ADGRL3: variants seen among roughly 807,000 people sequenced by gnomAD.
The protein encoded by ADGRL3 is calcium-independent alpha-latrotoxin receptor 3.
A neutral mutation model predicts 153.5 loss-of-function variants in ADGRL3; 62 were observed. The observed-to-expected ratio is 0.40, with a 90% CI of 0.33 to 0.50. The LOEUF is 0.50. Among genes scored for constraint, ADGRL3 ranks in the 20% least tolerant of loss-of-function variants. The pLI is 0.47. For synonymous variants in ADGRL3, 710 were observed against 672.5 expected (o/e 1.06, Z -0.86); for missense variants, 1,641 against 1,859.4 (o/e 0.88, Z 2.16).
chr4:61,714,851 C>T (rs905657477), intron 6 of ADGRL3, among the ~76,000 whole-genome samples: 15 of 152,182 alleles, frequency 9.9e-5, no homozygotes, highest in Admixed American at 2.6e-4. Flanking sequence ...ATTCATCCTC[C>T]GGTAAACTAC....
chr4:61,569,564 C>A (rs2098830181), intron 4 of ADGRL3, among the ~76,000 whole-genome samples: 1 of 152,106 alleles, frequency 6.6e-6, no homozygotes, highest in South Asian at 2.1e-4. Flanking sequence ...AATACCTTGT[C>A]TCTGACAATG....
At chr4:61,316,885 A>C (rs1021781256) in intron 1 of ADGRL3, among the ~76,000 whole-genome samples, 1 of 151,908 alleles carries the variant, frequency 6.6e-6, no homozygotes, top group Admixed American at 6.6e-5. Context: ...TCTCTTTATT[A>C]TTTTTTTTGT....
At chr4:61,300,712 C>T (rs2094552227) in intron 1 of ADGRL3, among the ~76,000 whole-genome samples, 1 of 151,586 alleles carries the variant, frequency 6.6e-6, no homozygotes, top group Non-Finnish European at 1.5e-5. Flanking sequence ...TTGAATCATT[C>T]TCTGCAAGTT....
intron 11 of ADGRL3, among the ~76,000 whole-genome samples, chr4:61,907,079 G>T (rs1324221589): frequency 6.6e-6 from 1 of 152,016 alleles, no homozygotes; most frequent in Non-Finnish European, 1.5e-5. Flanking sequence ...CAGGAAAGGG[G>T]TTCAGATCCA....
At chr4:61,606,429 T>C (rs530006795) in intron 5 of ADGRL3, among the ~76,000 whole-genome samples, 76 of 152,318 alleles carry the variant, frequency 5.0e-4, no homozygotes, top group African/African-American at 1.8e-3. Context: ...TTCTGGAGTC[T>C]AGAAGTTCAA....
chr4:61,492,932 C>T lies in ADGRL3; in HGVS notation c.-173-4189C>T, dbSNP rs533273387. ...AATTAGGTCATTTTAATCAACTTTA[C>T]TTTTAAATTTTGGATATTGTGAAGA... On this transcript the variant is annotated intron_variant, in intron 2 of 26. Coordinates refer to ENST00000683033, the MANE Select transcript of ADGRL3 (RefSeq NM_001387552.1). 6.6e-5 allele frequency among the ~76,000 whole-genome samples: 10 copies of T among 152,116 alleles called. No homozygotes were observed. The South Asian group carries it at 1.9e-3, about 28-fold the overall frequency.
At chr4:61,285,953 T>C (rs1317019711) in intron 1 of ADGRL3, among the ~76,000 whole-genome samples, 1 of 151,726 alleles carries the variant, frequency 6.6e-6, no homozygotes. Flanking sequence ...CATTTAAAAA[T>C]GAAACTACAT....
chr4:61,984,059 T>G (rs2099077432), intron 19 of ADGRL3, among the ~76,000 whole-genome samples: 1 of 152,142 alleles, frequency 6.6e-6, no homozygotes, highest in South Asian at 2.1e-4. Context: ...TTTTTCCCCT[T>G]TTTTCCTGGG....
intron 8 of ADGRL3, among the ~76,000 whole-genome samples, chr4:61,804,963 A>ATTTTAT (rs2097538196): frequency 1.4e-5 from 2 of 144,024 alleles, no homozygotes; most frequent in Non-Finnish European, 3.0e-5. Context: ...TTATTTATTT[A>ATTTTAT]TTTTTTTTTT....
chr4:61,775,899 A>AT (rs1561229761), intron 8 of ADGRL3: 28 of 251,310 alleles, frequency 1.1e-4, no homozygotes, highest in East Asian at 1.0e-3. Context: ...TTATTTATTT[A>AT]TTTATTTATT....
Position 62,061,104 on chromosome 4 carries a change from T to C in ADGRL3, c.3815-7062T>C, listed in dbSNP as rs993867464. Among the ~76,000 whole-genome samples, 4 of 152,082 alleles carry C rather than the reference T, an allele frequency of 2.6e-5. No individual in the cohort carries two copies. The East Asian group carries it at 5.8e-4, about 22-fold the overall frequency. On this transcript the variant is annotated intron_variant, in intron 25 of 26. Coordinates refer to ENST00000683033, the MANE Select transcript of ADGRL3 (RefSeq NM_001387552.1). ...GTTAAGACATTTGTTAGTTGACTGA[T>C]AATTTACTCTGACAAAGAGTTATAA... is the stretch of plus-strand genomic sequence containing the variant.
chr4:61,894,466 G>A (rs2098612280), intron 10 of ADGRL3, among the ~76,000 whole-genome samples: 1 of 152,034 alleles, frequency 6.6e-6, no homozygotes. Context: ...GAGAACAGTT[G>A]GAAACCATCT....
At chr4:61,337,847 A>C (rs1424049363) in intron 1 of ADGRL3, among the ~76,000 whole-genome samples, 1 of 152,180 alleles carries the variant, frequency 6.6e-6, no homozygotes, top group South Asian at 2.1e-4. Flanking sequence ...TTAACCTGCA[A>C]GGTTCTTATA....
At chr4:61,576,540 T>C (rs926749142) in intron 4 of ADGRL3, among the ~76,000 whole-genome samples, 4 of 149,502 alleles carry the variant, frequency 2.7e-5, no homozygotes, top group Non-Finnish European at 5.9e-5. Context: ...TTTACCGATA[T>C]AACAAGTAGA....
intron 2 of ADGRL3, among the ~76,000 whole-genome samples, chr4:61,483,762 A>C (rs1180055168): frequency 6.6e-6 from 1 of 151,772 alleles, no homozygotes; most frequent in East Asian, 1.9e-4. Flanking sequence ...AAATTATAAA[A>C]TTTTGAGCTC....
chr4:61,410,568 G>A (rs1382504201), intron 2 of ADGRL3, among the ~76,000 whole-genome samples: 1 of 152,150 alleles, frequency 6.6e-6, no homozygotes, highest in East Asian at 1.9e-4. Flanking sequence ...AGGACCCAGT[G>A]CAAACTGATA....
At chr4:61,434,755 A>G (rs1356203558) in intron 2 of ADGRL3, among the ~76,000 whole-genome samples, 1 of 152,084 alleles carries the variant, frequency 6.6e-6, no homozygotes, top group Non-Finnish European at 1.5e-5. Context: ...AAGTTTCTTC[A>G]AATATGCTAC....
At chr4:61,661,956 C>G (rs1054312161) in intron 5 of ADGRL3, among the ~76,000 whole-genome samples, 2 of 152,044 alleles carry the variant, frequency 1.3e-5, no homozygotes, top group Non-Finnish European at 2.9e-5. Context: ...AAAATAAATA[C>G]CTTGTATTTA....
intron 1 of ADGRL3, among the ~76,000 whole-genome samples, chr4:61,221,852 T>C (rs972373222): frequency 6.6e-6 from 1 of 152,116 alleles, no homozygotes; most frequent in Admixed American, 6.5e-5. Context: ...TATAGTTTTG[T>C]CTAGCTGTCA....
Sources: allele counts gnomAD v4.1 joint callset (sites outside exome capture counted in the v4.1 genomes callset), GRCh38; gene constraint gnomAD v4.1.1; transcripts MANE v1.5; gene names NCBI Gene and HGNC (gene_info 2026-07-23, HGNC 2026-07-21).